The following YY1 variants were observed in gnomAD, a reference collection of about 807,000 sequenced individuals.
YY1 encodes YY1 transcription factor, also known as transcriptional repressor protein YY1.
In YY1, 2 loss-of-function variants were observed where a neutral mutation model predicts 35.6. The observed-to-expected ratio is 0.06, with a 90% CI of 0.02 to 0.18. The LOEUF is 0.18. YY1 is among the 10% of genes least tolerant of loss of function. The pLI is 1.00. For missense variants in YY1, 322 were observed against 573.4 expected (o/e 0.56, Z 4.48); for synonymous variants, 268 against 238.9 (o/e 1.12, Z -1.12).
At chr14:100,265,804 G>C (rs541228417) in intron 2 of YY1, among the ~76,000 whole-genome samples, 9 of 151,792 alleles carry the variant, frequency 5.9e-5, no homozygotes, top group African/African-American at 2.2e-4. Context: ...GCCTGCCACC[G>C]TACCCGGCTA....
chr14:100,257,487 C>G (rs1458761712), intron 1 of YY1, among the ~76,000 whole-genome samples: 4 of 152,110 alleles, frequency 2.6e-5, no homozygotes, highest in Non-Finnish European at 5.9e-5. Flanking sequence ...ATCTTAACCC[C>G]CAATGTGATG....
At chr14:100,260,006 CT>C (rs1475956319) in intron 1 of YY1, among the ~76,000 whole-genome samples, 2 of 151,580 alleles carry the variant, frequency 1.3e-5, no homozygotes, top group Non-Finnish European at 2.9e-5. Context: ...TAAGAAACTA[CT>C]ACAGTCATTT....
chr14:100,261,600 T>C (rs982657979), intron 1 of YY1, among the ~76,000 whole-genome samples: 2 of 152,098 alleles, frequency 1.3e-5, no homozygotes, highest in Non-Finnish European at 2.9e-5. Context: ...TACAGTCTAG[T>C]GGGAGGATGA....
chr14:100,245,666 G>A (rs971347624), intron 1 of YY1, among the ~76,000 whole-genome samples: 1 of 151,952 alleles, frequency 6.6e-6, no homozygotes, highest in African/African-American at 2.4e-5. Context: ...GAGTGCAGTG[G>A]CGCGATCTCG....
Position 100,239,661 on chromosome 14 carries a change from C to T in YY1, c.417C>T (p.Ala139=), listed in dbSNP as rs779874319. ...TTCTCATCCCGGTGCCCGCGCCGGC[C>T]GGCGGCGACGACGACTACATTGAAC... ...DQILIPVPAP[A]GGDDDYIEQT... Residue 139 remains alanine, a synonymous_variant, in exon 1 of 5, where the codon GCC becomes GCT. Coordinates refer to ENST00000262238, the MANE Select transcript of YY1 (RefSeq NM_003403.5). The T allele has an allele frequency of 2.6e-5, 42 of 1,609,154 alleles. No homozygotes were observed. The East Asian group carries it at 6.5e-4, about 25-fold the overall frequency.
At chr14:100,252,233 A>G (rs985071778) in intron 1 of YY1, among the ~76,000 whole-genome samples, 1 of 152,024 alleles carries the variant, frequency 6.6e-6, no homozygotes. Context: ...TTTTGACTGG[A>G]AATTGGAGTC....
chr14:100,274,019 G>A (rs1891284910), intron 2 of YY1, among the ~76,000 whole-genome samples: 1 of 152,154 alleles, frequency 6.6e-6, no homozygotes, highest in South Asian at 2.1e-4. Flanking sequence ...AACAGTATGA[G>A]AGTATGTGGT....
At chr14:100,243,522 G>A (rs1890781732) in intron 1 of YY1, among the ~76,000 whole-genome samples, 1 of 152,202 alleles carries the variant, frequency 6.6e-6, no homozygotes, top group Non-Finnish European at 1.5e-5. Flanking sequence ...GCTGGGTGCA[G>A]TGGCTCACAC....
intron 1 of YY1, among the ~76,000 whole-genome samples, chr14:100,241,965 ACT>A (rs1185546736): frequency 2.1e-5 from 2 of 97,346 alleles, no homozygotes; most frequent in Non-Finnish European, 3.8e-5. Context: ...ACAGAGCGAG[ACT>A]CTGTCTCAAA....
chr14:100,273,705 G>A (rs1376530357), intron 2 of YY1, among the ~76,000 whole-genome samples: 1 of 152,112 alleles, frequency 6.6e-6, no homozygotes, highest in Non-Finnish European at 1.5e-5. Flanking sequence ...ATGGAGGGGT[G>A]TGAGAGGGGT....
intron 2 of YY1, among the ~76,000 whole-genome samples, chr14:100,268,321 CTT>C (rs1307061141): frequency 6.6e-6 from 1 of 152,190 alleles, no homozygotes; most frequent in Non-Finnish European, 1.5e-5. Context: ...GCCATAATGA[CTT>C]TAATTGGAAA....
At chr14:100,271,836 G>A (rs1030843169) in intron 2 of YY1, among the ~76,000 whole-genome samples, 9 of 152,172 alleles carry the variant, frequency 5.9e-5, no homozygotes, top group African/African-American at 2.2e-4. Context: ...TAGAGACGGG[G>A]TGTTGCTTTC....
intron 1 of YY1, among the ~76,000 whole-genome samples, 199 bp downstream of exon 1, chr14:100,240,122 G>C (rs1444663850): frequency 6.8e-6 from 1 of 146,324 alleles, no homozygotes; most frequent in African/African-American, 2.4e-5. Context: ...GCCGCGGGGG[G>C]GAGGGGCCGG....
In YY1 at chr14:100,281,061, CA is replaced by C. The variant is rs36009825; in HGVS notation, c.*3487del. The C allele has an allele frequency of 2.0e-5, 2 of 100,898 alleles. No individual in the cohort carries two copies. The highest frequency in any genetic ancestry group is 9.7e-5 in the African/African-American group (2 of 20,600). The allele number at this position is 100,898 out of a possible 1,614,324, so 6.3% of individuals were successfully genotyped here. On this transcript the variant is annotated 3_prime_UTR_variant, in exon 5 of 5. Transcript: ENST00000262238. ...GGTGACAGAGCAAGACTCCGTCTCC[CA>C]AAAAAAAAAAAAAAAAAAAAAAAAA...
At chr14:100,267,770 C>T (rs1168166623) in intron 2 of YY1, among the ~76,000 whole-genome samples, 1 of 152,224 alleles carries the variant, frequency 6.6e-6, no homozygotes, top group East Asian at 1.9e-4. Flanking sequence ...GATCCACCCA[C>T]CTCGGCCTCC....
At position 100,272,090 on chromosome 14, in the gene YY1, A is replaced by G. The variant is rs557972277; in HGVS notation, c.843-2608A>G. Among the ~76,000 whole-genome samples, 8 of 152,040 alleles carry G rather than the reference A, an allele frequency of 5.3e-5. No individual in the cohort carries two copies. The East Asian group carries it at 1.6e-3, about 29-fold the overall frequency. On this transcript the variant is annotated intron_variant, in intron 2 of 4. Coordinates refer to ENST00000262238, the MANE Select transcript of YY1 (RefSeq NM_003403.5). ...GGTGGGCGGATCACGAGGTCAGGAG[A>G]TCAAGACCATCCTGGCTAACATGGT...
At chr14:100,256,409 C>T (rs1424219323) in intron 1 of YY1, among the ~76,000 whole-genome samples, 1 of 152,162 alleles carries the variant, frequency 6.6e-6, no homozygotes, top group Non-Finnish European at 1.5e-5. Flanking sequence ...ACTTGGCATC[C>T]CTGTTCCTCC....
chr14:100,274,486 C>T (rs1891292015), intron 2 of YY1, among the ~76,000 whole-genome samples: 1 of 152,194 alleles, frequency 6.6e-6, no homozygotes, highest in African/African-American at 2.4e-5. Flanking sequence ...TGTTTCTAGC[C>T]TGAGCATCCT....
intron 1 of YY1, among the ~76,000 whole-genome samples, chr14:100,252,374 C>T (rs948066096): frequency 1.3e-5 from 2 of 152,186 alleles, no homozygotes; most frequent in Non-Finnish European, 2.9e-5. Context: ...TACCTTTAAC[C>T]TTCTGAATAG....
Sources: gnomAD v4.1 joint callset for allele counts (sites outside exome capture counted in the v4.1 genomes callset) on GRCh38, gnomAD v4.1.1 for gene constraint, MANE v1.5 for transcripts, NCBI Gene and HGNC (gene_info 2026-07-23, HGNC 2026-07-21) for gene names.